Variants in FGF14 observed in about 807,000 individuals in gnomAD.
FGF14 encodes the protein fibroblast growth factor homologous factor 4.
In FGF14, 5 loss-of-function variants were observed where a neutral mutation model predicts 25.5. That is an observed-to-expected ratio of 0.20 (90% confidence interval 0.10 to 0.41). The LOEUF is 0.41. FGF14 is among the 10% of genes least tolerant of loss of function. The pLI is 1.00. For synonymous variants in FGF14, 138 were observed against 118.3 expected (o/e 1.17, Z -1.08); for missense variants, 222 against 320.1 (o/e 0.69, Z 2.34).
chr13:102,057,663 T>C (rs1488065499), intron 1 of FGF14, among the ~76,000 whole-genome samples: 1 of 152,174 alleles, frequency 6.6e-6, no homozygotes, highest in East Asian at 1.9e-4. Context: ...AATAGTGCAT[T>C]GTAATCATCT....
chr13:101,836,546 T>G (rs887346155), intron 3 of FGF14, among the ~76,000 whole-genome samples: 7 of 152,032 alleles, frequency 4.6e-5, no homozygotes, highest in African/African-American at 1.4e-4. Context: ...AGAAGAAGAA[T>G]AATAAGGCTG....
At chr13:102,032,972 G>A (rs991787498) in intron 1 of FGF14, among the ~76,000 whole-genome samples, 1 of 152,092 alleles carries the variant, frequency 6.6e-6, no homozygotes, top group African/African-American at 2.4e-5. Flanking sequence ...AGACTCTTCA[G>A]AGGATAAACT....
At chr13:101,905,512 TG>T (rs1258111116) in intron 1 of FGF14, among the ~76,000 whole-genome samples, 19 of 150,964 alleles carry the variant, frequency 1.3e-4, no homozygotes, top group African/African-American at 3.4e-4. Context: ...TGAGAACACA[TG>T]GACATGGGGA....
chr13:102,273,159 G>C (rs4771424), intron 1 of FGF14, among the ~76,000 whole-genome samples: 118,357 of 151,702 alleles, frequency 0.78, 47,139 homozygotes, highest in African/African-American at 0.95. Context: ...TTGAAAAAAA[G>C]GTAGCAACGC....
intron 1 of FGF14, among the ~76,000 whole-genome samples, chr13:101,945,362 C>T (rs181680953): frequency 1.3e-5 from 2 of 152,194 alleles, no homozygotes; most frequent in East Asian, 3.9e-4. Flanking sequence ...TGTTTTAACA[C>T]AATTTTAAGA....
At chr13:102,178,983 A>G (rs2048560424) in intron 1 of FGF14, among the ~76,000 whole-genome samples, 1 of 152,122 alleles carries the variant, frequency 6.6e-6, no homozygotes, top group Admixed American at 6.6e-5. Flanking sequence ...AGAGATACTG[A>G]GGAAATCAGG....
chr13:101,812,527 C>A (rs889637280), intron 3 of FGF14, among the ~76,000 whole-genome samples: 1 of 147,094 alleles, frequency 6.8e-6, no homozygotes, highest in African/African-American at 2.5e-5. Context: ...TTATGATCAT[C>A]ACCACTTAGA....
At chr13:102,308,934 A>AAAC (rs1555398892) in intron 1 of FGF14, among the ~76,000 whole-genome samples, 4 of 139,682 alleles carry the variant, frequency 2.9e-5, no homozygotes, top group African/African-American at 5.5e-5. Flanking sequence ...AAAAAAAAAA[A>AAAC]CACAAAAAAA....
At chr13:102,105,136 G>A (rs2044847587) in intron 1 of FGF14, among the ~76,000 whole-genome samples, 1 of 152,198 alleles carries the variant, frequency 6.6e-6, no homozygotes, top group Admixed American at 6.5e-5. Context: ...ACAGAAAAAT[G>A]AGGCTAGTTG....
intron 3 of FGF14, among the ~76,000 whole-genome samples, chr13:101,862,130 CGT>C (rs2044450070): frequency 6.6e-6 from 1 of 152,002 alleles, no homozygotes; most frequent in African/African-American, 2.4e-5. Flanking sequence ...TTCTACACCA[CGT>C]AGAAAGTTAG....
intron 1 of FGF14, among the ~76,000 whole-genome samples, chr13:102,136,867 A>G (rs2046435695): frequency 6.6e-6 from 1 of 152,214 alleles, no homozygotes; most frequent in Non-Finnish European, 1.5e-5. Flanking sequence ...AATGATCCAG[A>G]GCTATGCCCT....
intron 1 of FGF14, among the ~76,000 whole-genome samples, chr13:102,305,510 C>T (rs2055326443): frequency 6.6e-6 from 1 of 152,072 alleles, no homozygotes; most frequent in Admixed American, 6.6e-5. Flanking sequence ...AAGACCAGGA[C>T]TAAAACAGAA....
At chr13:101,767,061 G>GATAAAATAAGAATAACA (rs1455758875) in intron 3 of FGF14, among the ~76,000 whole-genome samples, 1 of 152,164 alleles carries the variant, frequency 6.6e-6, no homozygotes, top group Non-Finnish European at 1.5e-5. Flanking sequence ...ATTGACAAGA[G>GATAAAATAAGAATAACA]ATAAAATAAG....
chr13:102,359,692 T>A (rs1211145242), intron 1 of FGF14, among the ~76,000 whole-genome samples: 1 of 152,164 alleles, frequency 6.6e-6, no homozygotes, highest in Non-Finnish European at 1.5e-5. Context: ...CCTTTATATC[T>A]CAGTGAAATT....
At chr13:101,766,680 C>G (rs1476912723) in intron 3 of FGF14, among the ~76,000 whole-genome samples, 2 of 152,120 alleles carry the variant, frequency 1.3e-5, no homozygotes, top group African/African-American at 4.8e-5. Flanking sequence ...GTGGTCTTTG[C>G]AGATGTAATT....
At chr13:101,774,126 A>G (rs1006144587) in intron 3 of FGF14, among the ~76,000 whole-genome samples, 1 of 152,112 alleles carries the variant, frequency 6.6e-6, no homozygotes, top group African/African-American at 2.4e-5. Context: ...AATGCTACCA[A>G]TAATACTTAG....
chr13:101,893,005 T>G (rs1452857447), intron 1 of FGF14, among the ~76,000 whole-genome samples: 1 of 152,186 alleles, frequency 6.6e-6, no homozygotes, highest in Non-Finnish European at 1.5e-5. Flanking sequence ...ACTATCACTC[T>G]GGTCACTGGA....
intron 1 of FGF14, among the ~76,000 whole-genome samples, chr13:102,130,705 A>C (rs903837354): frequency 1.3e-5 from 2 of 152,200 alleles, no homozygotes; most frequent in African/African-American, 4.8e-5. Flanking sequence ...TACAAGGGAA[A>C]GCCAAATGCC....
intron 1 of FGF14, among the ~76,000 whole-genome samples, chr13:102,347,194 A>C (rs2057135026): frequency 6.6e-6 from 1 of 152,222 alleles, no homozygotes; most frequent in Non-Finnish European, 1.5e-5. Flanking sequence ...CAGACCTGCC[A>C]GTCAGTCAAT....
Sources: gnomAD v4.1 joint callset for allele counts (sites outside exome capture counted in the v4.1 genomes callset) on GRCh38, gnomAD v4.1.1 for gene constraint, MANE v1.5 for transcripts, NCBI Gene and HGNC (gene_info 2026-07-23, HGNC 2026-07-21) for gene names.